The following SCARB1 variants were observed in gnomAD, a reference collection of about 807,000 sequenced individuals.
SCARB1 encodes scavenger receptor class B member 1, also known as CD36 and LIMPII analogous 1.
A neutral mutation model predicts 57.2 loss-of-function variants in SCARB1; 30 were observed. That is an observed-to-expected ratio of 0.52 (90% CI 0.39 to 0.71). The LOEUF (loss-of-function observed/expected upper bound fraction) is 0.71, where lower values mean the gene tolerates loss of function less well. Ranked by LOEUF, SCARB1 falls within the 30% of genes least tolerant of loss-of-function variation. SCARB1 has a pLI of 0.00. For missense variants in SCARB1, 543 were observed against 671.2 expected (o/e 0.81, Z 2.11); for synonymous variants, 249 against 268.3 (o/e 0.93, Z 0.70).
chr12:124,825,861 G>T (rs1264375530), intron 1 of SCARB1, among the ~76,000 whole-genome samples: 1 of 152,188 alleles, frequency 6.6e-6, no homozygotes, highest in African/African-American at 2.4e-5. Context: ...TGAAGACATT[G>T]AATACACAGA....
At chr12:124,827,368 C>A (rs1005444150) in intron 1 of SCARB1, among the ~76,000 whole-genome samples, 2 of 152,228 alleles carry the variant, frequency 1.3e-5, no homozygotes, top group South Asian at 2.1e-4. Flanking sequence ...TCTCATACAA[C>A]GTCTGGAATT....
rs1177721540 is a variant in SCARB1, at chr12:124,789,425, G to A, written c.1203-1968C>T. 5.9e-5 allele frequency among the ~76,000 whole-genome samples: 9 copies of A among 152,304 alleles called. No homozygotes were observed. Among genetic ancestry groups the A allele is most frequent in the South Asian group, 4.1e-4 (2 of 4,822 alleles). ...CCTAAGGAGACCGGAAGACCAATGC[G>A]ACACCTGGGAAACTGTGACCTGCCA... On this transcript the variant is annotated intron_variant, in intron 9 of 12. Coordinates refer to ENST00000261693, the MANE Select transcript of SCARB1 (RefSeq NM_005505.5). This position sits in a 1 kb window ranked among gnomAD's most constrained non-coding sequence, Gnocchi z 4.4.
chr12:124,834,669 A>C (rs992186178), intron 1 of SCARB1, among the ~76,000 whole-genome samples: 5 of 152,188 alleles, frequency 3.3e-5, no homozygotes, highest in Admixed American at 6.5e-5. Context: ...GCACTTTGGA[A>C]GGCAAAGATA....
chr12:124,805,105 G>A (rs1239442500), intron 7 of SCARB1, among the ~76,000 whole-genome samples: 1 of 145,028 alleles, frequency 6.9e-6, no homozygotes, highest in Non-Finnish European at 1.5e-5. Flanking sequence ...GGAGCAATGA[G>A]CACCAAGACA....
chr12:124,778,532 G>A lies in SCARB1; in HGVS notation c.*55C>T. ...GGGAGAAGCGGGGTGTAGGGGCTGGGGGGCCGGTCAGGCCCAGCGGCCAGG... is the reference window on the plus strand; with the variant it reads ...GGGAGAAGCGGGGTGTAGGGGCTGGAGGGCCGGTCAGGCCCAGCGGCCAGG... On this transcript the variant is annotated 3_prime_UTR_variant, in exon 13 of 13. Transcript: ENST00000261693. 7 of 1,375,822 alleles carry A rather than the reference G, an allele frequency of 5.1e-6. No individual in the cohort carries two copies. The highest frequency in any genetic ancestry group is 6.6e-6 in the Non-Finnish European group (7 of 1,063,492). 85.2% of individuals were successfully genotyped at this position (1,375,822 alleles called of 1,614,324 possible). A position where few individuals can be genotyped will look rare whatever the true frequency, so the allele number is the denominator to read the frequency against.
Position 124,778,539 on chromosome 12 carries a change from G to A in SCARB1, c.*48C>T. The A allele has an allele frequency of 7.3e-7, 1 of 1,378,800 alleles. No individual in the cohort carries two copies. The highest frequency in any genetic ancestry group is 1.8e-5 in the South Asian group (1 of 56,466). The allele number at this position is 1,378,800 out of a possible 1,614,324, so 85.4% of individuals were successfully genotyped here. ...GCGGGGTGTAGGGGCTGGGGGGCCG[G>A]TCAGGCCCAGCGGCCAGGCCTGGCT... On this transcript the variant is annotated 3_prime_UTR_variant, in exon 13 of 13. Transcript: ENST00000261693.
intron 8 of SCARB1, among the ~76,000 whole-genome samples, chr12:124,798,685 A>C (rs112874949): frequency 0.024 from 3,612 of 151,920 alleles, 54 homozygotes; most frequent in South Asian, 0.074. Flanking sequence ...TCTACTAAAA[A>C]TACAAAAATT....
intron 1 of SCARB1, among the ~76,000 whole-genome samples, chr12:124,856,764 T>G (rs1952650075): frequency 6.6e-6 from 1 of 152,134 alleles, no homozygotes; most frequent in Non-Finnish European, 1.5e-5. Flanking sequence ...GCAGGGGGGC[T>G]GATAAAGGCG....
intron 9 of SCARB1, among the ~76,000 whole-genome samples, chr12:124,790,153 T>G (rs1040668489): frequency 1.3e-5 from 2 of 151,784 alleles, no homozygotes; most frequent in Admixed American, 6.6e-5. Context: ...GGTGGGAGGA[T>G]CACTTGCACC....
intron 1 of SCARB1, among the ~76,000 whole-genome samples, chr12:124,848,109 A>G (rs1952237550): frequency 6.6e-6 from 1 of 152,218 alleles, no homozygotes; most frequent in Admixed American, 6.5e-5. Flanking sequence ...TCTGAGACGG[A>G]GACTCACTCT....
intron 1 of SCARB1, among the ~76,000 whole-genome samples, chr12:124,819,656 T>C (rs899571142): frequency 6.6e-6 from 1 of 152,144 alleles, no homozygotes; most frequent in African/African-American, 2.4e-5. Context: ...CTAGAGCTGA[T>C]GTCGCAAAGC....
chr12:124,814,929 C>G lies in SCARB1; in HGVS notation c.426+44G>C, dbSNP rs1349943039. On this transcript the variant is annotated intron_variant, in intron 3 of 12. Coordinates refer to ENST00000261693, the MANE Select transcript of SCARB1 (RefSeq NM_005505.5). The surrounding 1 kb of genome is among the most constrained non-coding windows in gnomAD (Gnocchi z 4.7). ...GGCAGGCGGGAGGAGAGACAGGGGACGAGGTCAGGGTGCGAGGCGGCGTGG... is the reference window on the plus strand; with the variant it reads ...GGCAGGCGGGAGGAGAGACAGGGGAGGAGGTCAGGGTGCGAGGCGGCGTGG... 3 of 1,612,558 alleles carry G rather than the reference C, an allele frequency of 1.9e-6. 1 individual carries two copies. In the South Asian group the frequency reaches 3.3e-5, roughly 18 times the overall value.
chr12:124,851,470 T>C (rs1952397960), intron 1 of SCARB1, among the ~76,000 whole-genome samples: 1 of 151,998 alleles, frequency 6.6e-6, no homozygotes, highest in African/African-American at 2.4e-5. Context: ...GTAGATGATT[T>C]TGCATGAATG....
At chr12:124,853,473 C>A (rs1278969237) in intron 1 of SCARB1, among the ~76,000 whole-genome samples, 1 of 149,062 alleles carries the variant, frequency 6.7e-6, no homozygotes, top group Non-Finnish European at 1.5e-5. Flanking sequence ...CGGCTCACTG[C>A]AACCTCCACC....
At chr12:124,820,270 T>C (rs1352504679) in intron 1 of SCARB1, among the ~76,000 whole-genome samples, 1 of 152,124 alleles carries the variant, frequency 6.6e-6, no homozygotes, top group Non-Finnish European at 1.5e-5. Context: ...CCATTACTCT[T>C]TGAGGCAGCC....
intron 1 of SCARB1, among the ~76,000 whole-genome samples, chr12:124,837,250 C>T (rs1018260883): frequency 7.9e-5 from 12 of 152,122 alleles, no homozygotes; most frequent in Admixed American, 3.9e-4. Context: ...TTCTTTCAAA[C>T]ACCCCAACCT....
At chr12:124,791,899 A>G (rs1214753030) in intron 9 of SCARB1, among the ~76,000 whole-genome samples, 1 of 151,848 alleles carries the variant, frequency 6.6e-6, no homozygotes, top group Non-Finnish European at 1.5e-5. Context: ...GGTTGCAGTG[A>G]GCCGAAATCG....
At chr12:124,813,094 C>A (rs1158516014) in intron 4 of SCARB1, among the ~76,000 whole-genome samples, 5 of 152,172 alleles carry the variant, frequency 3.3e-5, no homozygotes, top group Admixed American at 1.3e-4. Context: ...AAAACCCAAA[C>A]CATACTCAGA....
At position 124,817,524 on chromosome 12, in the gene SCARB1, C is replaced by G; in HGVS notation, c.284+26G>C. 6.2e-7 allele frequency: 1 copy of G among 1,612,222 alleles called. No individual in the cohort carries two copies. Among genetic ancestry groups the G allele is most frequent in the Non-Finnish European group, 8.5e-7 (1 of 1,179,776 alleles). On this transcript the variant is annotated intron_variant, in intron 2 of 12. Transcript: ENST00000261693. This position sits in a 1 kb window ranked among gnomAD's most constrained non-coding sequence, Gnocchi z 4.8. ...CCCTGCCCAGCCTCAGCCGGCCCCT[C>G]CACCCTCACCTGGACACAGCCTCAC...
Sources: gnomAD v4.1 joint callset for allele counts (sites outside exome capture counted in the v4.1 genomes callset) on GRCh38, gnomAD v4.1.1 for gene constraint, Gnocchi (gnomAD v3.1) non-coding constraint, MANE v1.5 for transcripts, NCBI Gene and HGNC (gene_info 2026-07-23, HGNC 2026-07-21) for gene names.